SH3RF1: variants seen among roughly 807,000 people sequenced by gnomAD.
SH3RF1 encodes the protein E3 ubiquitin-protein ligase SH3RF1.
A neutral mutation model predicts 74.0 loss-of-function variants in SH3RF1; 32 were observed. The ratio of observed to expected loss-of-function variants is 0.43; its 90% CI spans 0.33 to 0.58. SH3RF1 has a LOEUF of 0.58. Ranked by LOEUF, SH3RF1 falls within the 20% of genes least tolerant of loss-of-function variation. The probability of loss-of-function intolerance (pLI) is 0.05; values close to 1 mark genes in which losing one functional copy is unlikely to be tolerated. For synonymous variants in SH3RF1, 396 were observed against 439.6 expected (o/e 0.90, Z 1.24); for missense variants, 954 against 1,130.9 (o/e 0.84, Z 2.24).
intron 2 of SH3RF1, among the ~76,000 whole-genome samples, chr4:169,241,404 T>C (rs1438540300): frequency 6.6e-6 from 1 of 152,200 alleles, no homozygotes; most frequent in Non-Finnish European, 1.5e-5. Context: ...GGCAGTGAAC[T>C]TCACCCCCAA....
intron 4 of SH3RF1, among the ~76,000 whole-genome samples, chr4:169,141,347 G>T (rs1011536593): frequency 4.6e-5 from 7 of 152,080 alleles, no homozygotes; most frequent in Non-Finnish European, 8.8e-5. Flanking sequence ...ATAGGGATAG[G>T]CTGATAGCAT....
intron 2 of SH3RF1, among the ~76,000 whole-genome samples, chr4:169,243,058 C>G (rs1730938171): frequency 6.6e-6 from 1 of 152,210 alleles, no homozygotes; most frequent in Non-Finnish European, 1.5e-5. Context: ...GCTGTCCAGT[C>G]TTCAAACCCC....
intron 2 of SH3RF1, among the ~76,000 whole-genome samples, chr4:169,179,838 C>T (rs1200436356): frequency 6.6e-6 from 1 of 152,174 alleles, no homozygotes; most frequent in Non-Finnish European, 1.5e-5. Context: ...TTTCAAAAAG[C>T]ATCTTGTCAG....
chr4:169,181,854 T>C (rs1734517102), intron 2 of SH3RF1, among the ~76,000 whole-genome samples: 1 of 152,242 alleles, frequency 6.6e-6, no homozygotes, highest in African/African-American at 2.4e-5. Context: ...CACCACTATG[T>C]AAATCCCCTT....
chr4:169,211,307 C>A (rs1011161483), intron 2 of SH3RF1, among the ~76,000 whole-genome samples: 49 of 151,850 alleles, frequency 3.2e-4, no homozygotes, highest in African/African-American at 1.1e-3. Context: ...ACAGTGAAAC[C>A]CTGTCTCTAC....
chr4:169,121,459 G>A (rs1211839632), intron 7 of SH3RF1, among the ~76,000 whole-genome samples: 1 of 152,140 alleles, frequency 6.6e-6, no homozygotes, highest in African/African-American at 2.4e-5. Flanking sequence ...AGCTACACCT[G>A]CTTTTTATGC....
chr4:169,118,024 C>G (rs927308599), intron 8 of SH3RF1, among the ~76,000 whole-genome samples: 1 of 152,204 alleles, frequency 6.6e-6, no homozygotes, highest in Non-Finnish European at 1.5e-5. Flanking sequence ...CAAGAATATA[C>G]AGTTATTGCA....
rs1156250035 is a variant in SH3RF1 at position 169,269,526 on chromosome 4, A to AG, written c.-95-220dup. Among the ~76,000 whole-genome samples, 3 of 152,350 alleles carry AG rather than the reference A, an allele frequency of 2.0e-5. No individual in the cohort carries two copies. In the East Asian group the frequency reaches 5.8e-4, roughly 29 times the overall value. On this transcript the variant is annotated intron_variant, in intron 1 of 11. Coordinates refer to ENST00000284637, the MANE Select transcript of SH3RF1 (RefSeq NM_020870.4). ...GCAAAATTAACCCCTAAAGATATCT[A>AG]GGGATTCACTGGGCAAACACAAGGC...
chr4:169,176,464 C>T (rs1223465813), intron 2 of SH3RF1, among the ~76,000 whole-genome samples: 1 of 152,106 alleles, frequency 6.6e-6, no homozygotes, highest in African/African-American at 2.4e-5. Flanking sequence ...TCAATTTTAA[C>T]CGAACAAAAC....
chr4:169,268,931 T>TTTG lies in SH3RF1; in HGVS notation c.281_282insCAA (p.Thr94_Asn95insLys), dbSNP rs1383531677. ...TGCTGCTCTGAGACCTTAATGCATTTGTGCAGTTGGTCCCACTTCCCCCAC... is the reference window on the plus strand; with the variant it reads ...TGCTGCTCTGAGACCTTAATGCATTTTTGGTGCAGTTGGTCCCACTTCCCCCAC... On this transcript the variant is annotated inframe_insertion, in exon 2 of 12. Transcript: ENST00000284637. 4 of 1,614,084 alleles carry TTTG rather than the reference T, an allele frequency of 2.5e-6. No homozygotes were observed. The highest frequency in any genetic ancestry group is 3.4e-6 in the Non-Finnish European group (4 of 1,180,034).
At chr4:169,260,828 T>A (rs1731265861) in intron 2 of SH3RF1, among the ~76,000 whole-genome samples, 1 of 152,174 alleles carries the variant, frequency 6.6e-6, no homozygotes, top group African/African-American at 2.4e-5. Flanking sequence ...CATAACTGAG[T>A]TCATGTCTGT....
chr4:169,187,258 G>C (rs1162884335), intron 2 of SH3RF1, among the ~76,000 whole-genome samples: 1 of 152,162 alleles, frequency 6.6e-6, no homozygotes, highest in African/African-American at 2.4e-5. Flanking sequence ...GAGCGCAGTG[G>C]TGTAATCTTG....
chr4:169,237,489 T>A (rs914403964), intron 2 of SH3RF1, among the ~76,000 whole-genome samples: 1 of 152,102 alleles, frequency 6.6e-6, no homozygotes, highest in Non-Finnish European at 1.5e-5. Flanking sequence ...TTTAATTTTT[T>A]AAAAAAGAGA....
At chr4:169,200,592 T>A (rs1367110599) in intron 2 of SH3RF1, among the ~76,000 whole-genome samples, 1 of 152,206 alleles carries the variant, frequency 6.6e-6, no homozygotes, top group Non-Finnish European at 1.5e-5. Context: ...ACAAGTTTCA[T>A]AACTTACATA....
chr4:169,144,612 G>T (rs185986350), intron 4 of SH3RF1, among the ~76,000 whole-genome samples: 1 of 152,128 alleles, frequency 6.6e-6, no homozygotes, highest in Non-Finnish European at 1.5e-5. Flanking sequence ...ACAAATTCAC[G>T]TGTCTGCATA....
chr4:169,129,143 T>TG (rs1733571236), intron 6 of SH3RF1, among the ~76,000 whole-genome samples: 1 of 152,204 alleles, frequency 6.6e-6, no homozygotes, highest in African/African-American at 2.4e-5. Flanking sequence ...CTTACGACTG[T>TG]GGGCAGGCAG....
intron 2 of SH3RF1, among the ~76,000 whole-genome samples, chr4:169,235,723 C>T (rs190459336): frequency 6.6e-6 from 1 of 151,996 alleles, no homozygotes; most frequent in Non-Finnish European, 1.5e-5. Context: ...CATAGTTTTG[C>T]TCTTGTTGCC....
chr4:169,232,654 T>A (rs1730761419), intron 2 of SH3RF1, among the ~76,000 whole-genome samples: 1 of 152,170 alleles, frequency 6.6e-6, no homozygotes, highest in Non-Finnish European at 1.5e-5. Flanking sequence ...GAGTTAATAA[T>A]CAGATACTTT....
At chr4:169,146,180 T>C (rs1198268302) in intron 4 of SH3RF1, among the ~76,000 whole-genome samples, 1 of 144,334 alleles carries the variant, frequency 6.9e-6, no homozygotes, top group Admixed American at 7.0e-5. Context: ...ATATATTATA[T>C]ATTCTATATA....
Sources: allele counts gnomAD v4.1 joint callset (sites outside exome capture counted in the v4.1 genomes callset), GRCh38; gene constraint gnomAD v4.1.1; transcripts MANE v1.5; gene names NCBI Gene and HGNC (gene_info 2026-07-23, HGNC 2026-07-21).